The following PAN3 variants were observed in gnomAD, a reference collection of about 807,000 sequenced individuals.
The protein encoded by PAN3 is poly(A) specific ribonuclease subunit PAN3, also known as PAN2-PAN3 deadenylation complex subunit PAN3.
In PAN3, 19 loss-of-function variants were observed where a neutral mutation model predicts 96.2. That is an observed-to-expected ratio of 0.20 (90% CI 0.14 to 0.29). The LOEUF is 0.29. Among genes scored for constraint, PAN3 ranks in the 10% least tolerant of loss-of-function variants. PAN3 has a pLI of 1.00. For synonymous variants in PAN3, 433 were observed against 406.6 expected, an observed-to-expected ratio of 1.06 and a Z score of -0.78; for missense variants, 882 against 1,108.1, an observed-to-expected ratio of 0.80 and a Z score of 2.90.
At chr13:28,139,669 A>G (rs553859952) in intron 1 of PAN3, among the ~76,000 whole-genome samples, 1 of 151,928 alleles carries the variant, frequency 6.6e-6, no homozygotes, top group African/African-American at 2.4e-5. Flanking sequence ...CTTTCTAAGG[A>G]TTAGGAGGGA....
chr13:28,232,777 G>T (rs906882150), intron 6 of PAN3, among the ~76,000 whole-genome samples: 3 of 152,016 alleles, frequency 2.0e-5, no homozygotes, highest in African/African-American at 7.2e-5. Context: ...ATTTGAGTTC[G>T]AGGGTGAGCA....
intron 8 of PAN3, 37 bp from the exon 9 acceptor site, chr13:28,261,364 T>A: frequency 7.1e-7 from 1 of 1,404,868 alleles, no homozygotes; most frequent in Admixed American, 2.1e-5. Flanking sequence ...TTTCAGAATC[T>A]GTGTTTAAAT....
At chr13:28,192,910 C>T (rs1482640733) in intron 4 of PAN3, among the ~76,000 whole-genome samples, 1 of 152,176 alleles carries the variant, frequency 6.6e-6, no homozygotes, top group African/African-American at 2.4e-5. Flanking sequence ...TTTTACATTG[C>T]TACCATCTCT....
At chr13:28,155,320 A>G (rs1336553466) in intron 1 of PAN3, among the ~76,000 whole-genome samples, 1 of 152,054 alleles carries the variant, frequency 6.6e-6, no homozygotes, top group Admixed American at 6.6e-5. Context: ...ATCAGGCCGG[A>G]CACAGTGGCC....
chr13:28,158,712 A>G (rs1421278575), intron 1 of PAN3, among the ~76,000 whole-genome samples: 4 of 152,138 alleles, frequency 2.6e-5, no homozygotes, highest in Non-Finnish European at 5.9e-5. Context: ...CCCCGTCTCT[A>G]CTAAATATAC....
intron 7 of PAN3, among the ~76,000 whole-genome samples, chr13:28,257,740 TA>T (rs1171453501): frequency 8.7e-6 from 1 of 114,980 alleles, no homozygotes; most frequent in African/African-American, 3.0e-5. Flanking sequence ...ATATATAAAT[TA>T]TATATAATAT....
chr13:28,139,058 G>A lies in PAN3; in HGVS notation c.401G>A (p.Ser134Asn). The A allele has an allele frequency of 7.8e-7, 1 of 1,277,890 alleles. No individual in the cohort carries two copies. Among genetic ancestry groups the A allele is most frequent in the Middle Eastern group, 3.0e-4 (1 of 3,332 alleles). The allele number at this position is 1,277,890 out of a possible 1,614,324, so 79.2% of individuals were successfully genotyped here. A position where few individuals can be genotyped will look rare whatever the true frequency, so the allele number is the denominator to read the frequency against. ...TGAAAGGGGS[S>N]GGLDGPRLAI... ...GCCGCAGCCGGCGGAGGAGGCAGTA[G>A]CGGGGGACTCGATGGACCGCGGCTG... Residue 134 changes from serine to asparagine, a missense_variant, in exon 1 of 19, where the codon AGC becomes AAC. Ser to Asn is a conservative substitution (Grantham distance 46). Around this residue, in one of 3 missense-constraint regions of PAN3, gnomAD observed 442 missense variants for 422.8 expected, o/e 1.05. Transcript: ENST00000380958.
intron 6 of PAN3, among the ~76,000 whole-genome samples, chr13:28,225,944 C>T (rs1459509985): frequency 6.6e-6 from 1 of 152,138 alleles, no homozygotes; most frequent in Non-Finnish European, 1.5e-5. Flanking sequence ...AGGAATAGAA[C>T]ACTAGTGTGG....
chr13:28,138,977 G>C lies in PAN3; in HGVS notation c.320G>C (p.Gly107Ala). 6.3e-6 allele frequency: 8 copies of C among 1,274,556 alleles called. No individual in the cohort carries two copies. The highest frequency in any genetic ancestry group is 6.9e-6 in the Non-Finnish European group (7 of 1,010,998). The allele number at this position is 1,274,556 out of a possible 1,614,324, so 79.0% of individuals were successfully genotyped here. The change falls in exon 1 of 19, where the codon GGA (glycine) becomes GCA (alanine). Residue 107 changes from glycine to alanine, a missense_variant. By Grantham distance (60) the Gly-to-Ala change is moderately conservative (BLOSUM62 0). Transcript: ENST00000380958. ...GFPPGAVAGG[G>A]AGPPPGPKKP... ...CCGCCGGGAGCCGTCGCGGGCGGGGGAGCTGGGCCGCCCCCCGGGCCCAAG... is the reference window on the plus strand; with the variant it reads ...CCGCCGGGAGCCGTCGCGGGCGGGGCAGCTGGGCCGCCCCCCGGGCCCAAG...
intron 1 of PAN3, among the ~76,000 whole-genome samples, chr13:28,164,988 A>G (rs1593390905): frequency 6.6e-6 from 1 of 152,112 alleles, no homozygotes; most frequent in Non-Finnish European, 1.5e-5. Flanking sequence ...GCTCACTGCA[A>G]CCTCTGCCTC....
At position 28,144,718 on chromosome 13, in the gene PAN3, C is replaced by CCTTTTTTT. The variant is rs1555267661; in HGVS notation, c.430+5631_430+5632insCTTTTTTT. On this transcript the variant is annotated intron_variant, in intron 1 of 18. Coordinates refer to ENST00000380958, the MANE Select transcript of PAN3 (RefSeq NM_175854.8). ...TATCAAAAGCAAACCAAAACATCAT[C>CCTTTTTTT]TTTTTTTTTTTTTTTTTTTTTCCTC... Among the ~76,000 whole-genome samples, 21 of 46,776 alleles carry CCTTTTTTT rather than the reference C, an allele frequency of 4.5e-4. 9 individuals are homozygous for CCTTTTTTT. Among genetic ancestry groups the CCTTTTTTT allele is most frequent in the Non-Finnish European group, 6.3e-4 (14 of 22,264 alleles). 30.7% of individuals were successfully genotyped at this position (46,776 alleles called of 152,430 possible). A position where few individuals can be genotyped will look rare whatever the true frequency, so the allele number is the denominator to read the frequency against.
chr13:28,287,132 C>T (rs1003870760), intron 17 of PAN3, among the ~76,000 whole-genome samples: 3 of 152,132 alleles, frequency 2.0e-5, no homozygotes, highest in Non-Finnish European at 4.4e-5. Flanking sequence ...ATGCAAATAC[C>T]GATCTCTGAC....
intron 4 of PAN3, among the ~76,000 whole-genome samples, chr13:28,188,140 C>T (rs1162891663): frequency 6.6e-6 from 1 of 152,136 alleles, no homozygotes; most frequent in East Asian, 1.9e-4. Context: ...TTTTCTTTTA[C>T]AGCATCAACT....
chr13:28,245,097 T>TC (rs1884052140), intron 6 of PAN3, among the ~76,000 whole-genome samples: 1 of 152,140 alleles, frequency 6.6e-6, no homozygotes, highest in Non-Finnish European at 1.5e-5. Flanking sequence ...TCCACCCACC[T>TC]CGGCCTCCCA....
chr13:28,206,622 C>T (rs959335929), intron 5 of PAN3, among the ~76,000 whole-genome samples: 4 of 152,062 alleles, frequency 2.6e-5, no homozygotes, highest in Non-Finnish European at 4.4e-5. Context: ...ACACGCGGCC[C>T]CTAACTGACA....
intron 14 of PAN3, among the ~76,000 whole-genome samples, chr13:28,273,923 G>A (rs1462975375): frequency 2.0e-5 from 3 of 152,146 alleles, no homozygotes; most frequent in African/African-American, 7.2e-5. Context: ...AGAACAAAAA[G>A]GATAAAATGA....
At chr13:28,189,742 C>T (rs1021534997) in intron 4 of PAN3, among the ~76,000 whole-genome samples, 1 of 152,138 alleles carries the variant, frequency 6.6e-6, no homozygotes, top group Non-Finnish European at 1.5e-5. Flanking sequence ...AGACCAGGAG[C>T]ATCTGCAGTC....
At chr13:28,263,066 A>G (rs1211726585) in intron 9 of PAN3, among the ~76,000 whole-genome samples, 1 of 152,188 alleles carries the variant, frequency 6.6e-6, no homozygotes, top group Non-Finnish European at 1.5e-5. Flanking sequence ...GTATGATAAA[A>G]TGTATCAAAG....
At chr13:28,207,220 C>T (rs1270377116) in intron 5 of PAN3, among the ~76,000 whole-genome samples, 1 of 152,148 alleles carries the variant, frequency 6.6e-6, no homozygotes, top group Non-Finnish European at 1.5e-5. Flanking sequence ...CTTGTGAGCT[C>T]TTTTTGACCC....
Sources: allele counts gnomAD v4.1 joint callset (sites outside exome capture counted in the v4.1 genomes callset), GRCh38; gene constraint gnomAD v4.1.1; regional missense constraint gnomAD v4.1.1; transcripts MANE v1.5; gene names NCBI Gene and HGNC (gene_info 2026-07-23, HGNC 2026-07-21).